TMEM131L: variants seen among roughly 807,000 people sequenced by gnomAD.
TMEM131L encodes transmembrane protein 131-like.
TMEM131L carries 54 observed loss-of-function variants against 192.2 expected under a neutral mutation model. The ratio of observed to expected loss-of-function variants is 0.28; its 90% CI spans 0.23 to 0.35. TMEM131L has a LOEUF of 0.35. Among genes scored for constraint, TMEM131L ranks in the 10% least tolerant of loss-of-function variants. The pLI is 1.00. For missense variants in TMEM131L, 1,888 were observed against 1,972.9 expected (o/e 0.96, Z 0.82); for synonymous variants, 701 against 704.9 (o/e 0.99, Z 0.09).
chr4:153,512,622 C>T (rs1215774366), intron 3 of TMEM131L, among the ~76,000 whole-genome samples: 1 of 152,038 alleles, frequency 6.6e-6, no homozygotes, highest in African/African-American at 2.4e-5. Flanking sequence ...TGCTTTCATC[C>T]TTTATCTTTT....
intron 29 of TMEM131L, among the ~76,000 whole-genome samples, chr4:153,625,226 C>T (rs1391685724): frequency 6.6e-6 from 1 of 151,964 alleles, no homozygotes; most frequent in African/African-American, 2.4e-5. Flanking sequence ...AGCTGGCCAA[C>T]GTAGCAAAAC....
intron 3 of TMEM131L, among the ~76,000 whole-genome samples, chr4:153,510,422 T>G (rs1734275118): frequency 6.6e-6 from 1 of 152,204 alleles, no homozygotes; most frequent in African/African-American, 2.4e-5. Flanking sequence ...TTTCACACCT[T>G]CTCTTTCATG....
chr4:153,544,529 C>T (rs1463668783), intron 3 of TMEM131L, among the ~76,000 whole-genome samples: 1 of 152,210 alleles, frequency 6.6e-6, no homozygotes, highest in Non-Finnish European at 1.5e-5. Flanking sequence ...CACTGGCTTC[C>T]CTGCCTCACT....
At chr4:153,535,199 AAG>A (rs1012683267) in intron 3 of TMEM131L, among the ~76,000 whole-genome samples, 6 of 152,208 alleles carry the variant, frequency 3.9e-5, no homozygotes, top group East Asian at 1.9e-4. Flanking sequence ...GGGTGTGAGA[AAG>A]AGAACAGTTA....
chr4:153,471,368 G>T (rs1257979892), intron 2 of TMEM131L, among the ~76,000 whole-genome samples: 2 of 152,050 alleles, frequency 1.3e-5, no homozygotes, highest in Admixed American at 6.6e-5. Flanking sequence ...GCTGCTAAGG[G>T]TTGGTGCCCT....
chr4:153,526,564 C>T (rs1294154274), intron 3 of TMEM131L, among the ~76,000 whole-genome samples: 3 of 151,998 alleles, frequency 2.0e-5, no homozygotes, highest in Non-Finnish European at 4.4e-5. Context: ...GAAACCCCGT[C>T]TCTACTAAAA....
intron 26 of TMEM131L, among the ~76,000 whole-genome samples, chr4:153,618,376 C>T (rs1355684153): frequency 6.7e-6 from 1 of 149,236 alleles, no homozygotes; most frequent in Admixed American, 6.8e-5. Flanking sequence ...ACTCAGGAGG[C>T]TGAGGTAGGC....
At chr4:153,507,732 CA>C (rs1278236532) in intron 3 of TMEM131L, among the ~76,000 whole-genome samples, 3 of 151,908 alleles carry the variant, frequency 2.0e-5, no homozygotes, top group African/African-American at 7.3e-5. Flanking sequence ...AACAAACAAA[CA>C]AAAAACCAGG....
intron 3 of TMEM131L, among the ~76,000 whole-genome samples, chr4:153,509,588 T>C (rs1734216377): frequency 6.6e-6 from 1 of 152,038 alleles, no homozygotes; most frequent in African/African-American, 2.4e-5. Context: ...CAGCCAGGTA[T>C]GATGGCACAT....
chr4:153,612,112 G>T, intron 25 of TMEM131L, 140 bp from the exon 26 acceptor site: 1 of 522,560 alleles, frequency 1.9e-6, no homozygotes, highest in Non-Finnish European at 3.2e-6. Context: ...TAAATTTCTA[G>T]AGCATCATGG....
chr4:153,610,875 T>C (rs1451621442), intron 25 of TMEM131L, among the ~76,000 whole-genome samples: 2 of 152,338 alleles, frequency 1.3e-5, no homozygotes, highest in Middle Eastern at 3.4e-3. Context: ...ATATTTGCTC[T>C]GCCCTATGGT....
At chr4:153,520,107 A>G (rs1735005701) in intron 3 of TMEM131L, among the ~76,000 whole-genome samples, 1 of 152,096 alleles carries the variant, frequency 6.6e-6, no homozygotes, top group African/African-American at 2.4e-5. Flanking sequence ...AACACGGTCC[A>G]TCTTTCTTGG....
intron 3 of TMEM131L, among the ~76,000 whole-genome samples, chr4:153,474,335 G>A (rs1287263346): frequency 6.6e-6 from 1 of 152,204 alleles, no homozygotes; most frequent in South Asian, 2.1e-4. Context: ...AGGTGGATGG[G>A]CTCCTTTTGG....
At chr4:153,514,225 G>A (rs1329567179) in intron 3 of TMEM131L, among the ~76,000 whole-genome samples, 1 of 152,174 alleles carries the variant, frequency 6.6e-6, no homozygotes, top group Non-Finnish European at 1.5e-5. Flanking sequence ...GAGGATTGTT[G>A]AGAAGGCTTA....
At chr4:153,569,399 T>C (rs553071758) in intron 7 of TMEM131L, among the ~76,000 whole-genome samples, 15 of 152,338 alleles carry the variant, frequency 9.8e-5, no homozygotes, top group Non-Finnish European at 2.1e-4. Flanking sequence ...ATAAATTCAC[T>C]AATAATCTGC....
intron 3 of TMEM131L, among the ~76,000 whole-genome samples, chr4:153,500,314 C>G (rs1230067903): frequency 6.6e-6 from 1 of 152,128 alleles, no homozygotes; most frequent in Non-Finnish European, 1.5e-5. Context: ...TTATGTTGCC[C>G]AGGCTGATCT....
chr4:153,553,779 G>A (rs10034657), intron 4 of TMEM131L, among the ~76,000 whole-genome samples: 66,862 of 152,112 alleles, frequency 0.44, 18,769 homozygotes, highest in African/African-American at 0.8. Context: ...TGTTGGTCCT[G>A]AGATAAAAAG....
At position 153,623,049 on chromosome 4, in the gene TMEM131L, G is replaced by A. The variant is rs370975620; in HGVS notation, c.4011G>A (p.Lys1337=). ...SSTSSSDGDK[K]PMVDAQHFLP... is the part of the protein sequence containing the mutation. ...CCAGCAGCTCCGACGGGGATAAGAA[G>A]CCCATGGTGGACGCCCAGCACTTCC... Residue 1337 remains lysine (K), a synonymous_variant, in exon 29 of 35, where the codon AAG becomes AAA. Transcript: ENST00000409959. The A allele has an allele frequency of 6.2e-7, 1 of 1,612,344 alleles. No individual in the cohort carries two copies. The highest frequency in any genetic ancestry group is 8.5e-7 in the Non-Finnish European group (1 of 1,179,334).
intron 3 of TMEM131L, among the ~76,000 whole-genome samples, chr4:153,509,246 C>G (rs1734192260): frequency 6.6e-6 from 1 of 151,744 alleles, no homozygotes; most frequent in Non-Finnish European, 1.5e-5. Flanking sequence ...CACCTGTAGT[C>G]CCAGCTACTC....
Sources: gnomAD v4.1 joint callset for allele counts (sites outside exome capture counted in the v4.1 genomes callset) on GRCh38, gnomAD v4.1.1 for gene constraint, MANE v1.5 for transcripts, NCBI Gene and HGNC (gene_info 2026-07-23, HGNC 2026-07-21) for gene names.